The following AGBL1 variants were observed in gnomAD, a reference collection of about 807,000 sequenced individuals.
The protein encoded by AGBL1 is cytosolic carboxypeptidase 4.
A neutral mutation model predicts 118.9 loss-of-function variants in AGBL1; 130 were observed. That is an observed-to-expected ratio of 1.09 (90% CI 0.95 to 1.26). AGBL1 has a LOEUF of 1.26. AGBL1 is among the 50% of genes most tolerant of loss of function. The pLI is 0.00. For missense variants in AGBL1, 1,584 were observed against 1,298.1 expected, an observed-to-expected ratio of 1.22 and a Z score of -3.38; for synonymous variants, 555 against 478.9, an observed-to-expected ratio of 1.16 and a Z score of -2.08.
chr15:86,745,071 G>A (rs1252562481), intron 22 of AGBL1, among the ~76,000 whole-genome samples: 1 of 152,108 alleles, frequency 6.6e-6, no homozygotes, highest in African/African-American at 2.4e-5. Flanking sequence ...TAGACGTACT[G>A]CTGTTTGCTG....
In AGBL1 at chr15:87,023,811, G is replaced by T. The variant is rs187868479; in HGVS notation, c.3324-5014G>T. ...TCTCAGACCACAATGGAATAAAACT[G>T]GAAATCAACTCCAAAAGGAAACTTC... is the stretch of plus-strand genomic sequence containing the variant. On this transcript the variant is annotated intron_variant, in intron 24 of 24. Coordinates refer to the AGBL1 transcript ENST00000441037. Among the ~76,000 whole-genome samples, 5 of 151,802 alleles carry T rather than the reference G, an allele frequency of 3.3e-5. No individual in the cohort carries two copies. In the East Asian group the frequency reaches 9.7e-4, roughly 29 times the overall value.
chr15:86,963,692 G>A (rs1416405279), intron 23 of AGBL1, among the ~76,000 whole-genome samples: 1 of 151,836 alleles, frequency 6.6e-6, no homozygotes, highest in Non-Finnish European at 1.5e-5. Context: ...TTAGAGGGTG[G>A]AGTAGGAGAC....
intron 24 of AGBL1, among the ~76,000 whole-genome samples, chr15:87,028,441 A>C (rs2081755727): frequency 6.6e-6 from 1 of 151,970 alleles, no homozygotes; most frequent in South Asian, 2.1e-4. Flanking sequence ...GATTAATTTC[A>C]TGTGTAAACA....
At chr15:86,099,712 G>A (rs1459385910) in intron 1 of AGBL1, among the ~76,000 whole-genome samples, 1 of 152,120 alleles carries the variant, frequency 6.6e-6, no homozygotes, top group Non-Finnish European at 1.5e-5. Context: ...GTTTCACCAT[G>A]TTGGTCAGGC....
At chr15:86,440,154 A>C (rs930059371) in intron 18 of AGBL1, among the ~76,000 whole-genome samples, 6 of 152,226 alleles carry the variant, frequency 3.9e-5, no homozygotes, top group Non-Finnish European at 8.8e-5. Flanking sequence ...TAGGCTGAAT[A>C]ATAATGAAAG....
intron 1 of AGBL1, among the ~76,000 whole-genome samples, chr15:86,091,723 G>A (rs918721353): frequency 2.0e-4 from 31 of 152,212 alleles, no homozygotes; most frequent in African/African-American, 6.7e-4. Context: ...TTGTCTCAGC[G>A]AATGAAGCTC....
intron 22 of AGBL1, among the ~76,000 whole-genome samples, chr15:86,794,852 G>A (rs927268989): frequency 6.6e-6 from 1 of 152,146 alleles, no homozygotes; most frequent in Non-Finnish European, 1.5e-5. Context: ...ACAAGCAATG[G>A]AACTGCTAGT....
chr15:86,606,778 G>T (rs2084583315), intron 21 of AGBL1, among the ~76,000 whole-genome samples: 1 of 152,130 alleles, frequency 6.6e-6, no homozygotes, highest in African/African-American at 2.4e-5. Context: ...TTGCATAAGT[G>T]TCGTACATTT....
chr15:86,380,371 G>T (rs541310996), intron 17 of AGBL1, among the ~76,000 whole-genome samples: 21 of 148,570 alleles, frequency 1.4e-4, no homozygotes, highest in African/African-American at 5.0e-4. Flanking sequence ...TGCAACCTCT[G>T]CCTCCCGGGT....
intron 22 of AGBL1, among the ~76,000 whole-genome samples, chr15:86,774,041 C>A (rs1279140387): frequency 1.3e-5 from 2 of 152,072 alleles, no homozygotes; most frequent in East Asian, 3.9e-4. Context: ...TTAATTAGGG[C>A]AGGTGGTTCC....
At chr15:86,303,618 T>C (rs1224847116) in intron 17 of AGBL1, among the ~76,000 whole-genome samples, 2 of 152,166 alleles carry the variant, frequency 1.3e-5, no homozygotes, top group Non-Finnish European at 2.9e-5. Flanking sequence ...CAATATGCTA[T>C]AAAATATACT....
intron 20 of AGBL1, among the ~76,000 whole-genome samples, chr15:86,553,795 T>C (rs986457671): frequency 3.3e-5 from 5 of 152,176 alleles, no homozygotes. Flanking sequence ...ATTATGGAGT[T>C]GGCCAGGTTG....
intron 17 of AGBL1, among the ~76,000 whole-genome samples, chr15:86,388,986 T>C (rs1172867617): frequency 6.6e-6 from 1 of 152,210 alleles, no homozygotes; most frequent in African/African-American, 2.4e-5. Flanking sequence ...TGTAATAACA[T>C]GGCATGAATT....
chr15:86,824,948 T>C (rs1360568581), intron 22 of AGBL1, among the ~76,000 whole-genome samples: 1 of 151,920 alleles, frequency 6.6e-6, no homozygotes, highest in Non-Finnish European at 1.5e-5. Context: ...TCCCAGCTAC[T>C]TGGGAGGCTG....
intron 18 of AGBL1, among the ~76,000 whole-genome samples, chr15:86,454,184 T>G (rs2082232863): frequency 6.6e-6 from 1 of 152,172 alleles, no homozygotes; most frequent in Non-Finnish European, 1.5e-5. Flanking sequence ...CCCTTAGAGG[T>G]GCACACTGTG....
At position 86,257,976 on chromosome 15, in the gene AGBL1, A is replaced by T. The variant is rs757480562; in HGVS notation, c.914A>T (p.Asp305Val). ...TTTCCCCATCCAGAGGATTTTGAAG[A>T]TGATGGCGATGATGAAGTGGACAAA... is the stretch of plus-strand genomic sequence containing the variant. Reference protein sequence around the residue: ...PHDLPEEDFEDDGDDEVDKDS... With the variant: ...PHDLPEEDFEVDGDDEVDKDS... The change falls in exon 9 of 23, where the codon GAT becomes GTT. Residue 305 changes from aspartate (D) to valine (V), a missense_variant. Physicochemically the swap from Asp to Val is radical, Grantham distance 152. Transcript: ENST00000614907. The T allele has an allele frequency of 8.7e-6, 14 of 1,613,712 alleles. No homozygotes were observed. Among genetic ancestry groups the T allele is most frequent in the Middle Eastern group, 1.7e-4 (1 of 6,060 alleles).
At chr15:86,430,632 C>G (rs2081924420) in intron 18 of AGBL1, among the ~76,000 whole-genome samples, 1 of 152,076 alleles carries the variant, frequency 6.6e-6, no homozygotes, top group South Asian at 2.1e-4. Flanking sequence ...GAACTAACCA[C>G]ACTGCACATA....
At chr15:86,276,335 G>A (rs1261841751) in intron 15 of AGBL1, among the ~76,000 whole-genome samples, 1 of 152,090 alleles carries the variant, frequency 6.6e-6, no homozygotes, top group Non-Finnish European at 1.5e-5. Flanking sequence ...CCTACAACTG[G>A]GGTTGAATCC....
intron 22 of AGBL1, among the ~76,000 whole-genome samples, chr15:86,821,138 A>T (rs1373769495): frequency 6.6e-6 from 1 of 152,046 alleles, no homozygotes; most frequent in Admixed American, 6.6e-5. Flanking sequence ...GAACACATGG[A>T]CACAGGGAGG....
Sources: allele counts gnomAD v4.1 joint callset (sites outside exome capture counted in the v4.1 genomes callset), GRCh38; gene constraint gnomAD v4.1.1; transcripts MANE v1.5; gene names NCBI Gene and HGNC (gene_info 2026-07-23, HGNC 2026-07-21).